The following FNBP1L variants were observed in gnomAD, a reference collection of about 807,000 sequenced individuals.
FNBP1L encodes formin-binding protein 1-like.
Under a neutral mutation model 91.2 loss-of-function variants are expected in FNBP1L, and 36 were observed. That is an observed-to-expected ratio of 0.39 (90% confidence interval 0.30 to 0.52). The LOEUF is 0.52. FNBP1L is among the 20% of genes least tolerant of loss of function. The pLI, the probability that FNBP1L is intolerant of heterozygous loss-of-function variation, is 0.66. For missense variants in FNBP1L, 571 were observed against 732.1 expected (o/e 0.78, Z 2.54); for synonymous variants, 242 against 237.0 (o/e 1.02, Z -0.19).
At chr1:93,515,496 C>A (rs1020232690) in intron 2 of FNBP1L, among the ~76,000 whole-genome samples, 19 of 152,060 alleles carry the variant, frequency 1.2e-4, no homozygotes, top group African/African-American at 4.3e-4. Flanking sequence ...TTCGCAATAG[C>A]AAAGACTTGG....
chr1:93,519,247 G>C (rs4847431), intron 2 of FNBP1L, among the ~76,000 whole-genome samples: 76,959 of 151,948 alleles, frequency 0.51, 21,615 homozygotes, highest in East Asian at 0.63. Flanking sequence ...TACTTTTCAC[G>C]TTACTACTTG....
chr1:93,510,998 C>T lies in FNBP1L; in HGVS notation c.141-11084C>T, dbSNP rs549551604. On this transcript the variant is annotated intron_variant, in intron 2 of 16. Transcript: ENST00000271234. ...GTCTGATTGGTGTACCTGAAAGTGA[C>T]GGGGAGAATGGAACCAAGTTGGAAA... is the stretch of plus-strand genomic sequence containing the variant. 2.3e-3 allele frequency among the ~76,000 whole-genome samples: 349 copies of T among 152,050 alleles called. 3 individuals carry two copies. Among genetic ancestry groups the T allele is most frequent in the African/African-American group, 7.1e-3 (296 of 41,526 alleles).
At chr1:93,529,577 C>T in intron 5 of FNBP1L, 75 bp from the exon 6 acceptor site, 1 of 876,080 alleles carries the variant, frequency 1.1e-6, no homozygotes, top group Admixed American at 3.5e-5. Flanking sequence ...TCTCCTAATG[C>T]TCTCTAAAGT....
At chr1:93,516,988 T>A (rs1671143361) in intron 2 of FNBP1L, among the ~76,000 whole-genome samples, 1 of 151,996 alleles carries the variant, frequency 6.6e-6, no homozygotes, top group Non-Finnish European at 1.5e-5. Flanking sequence ...TTAGAACAAC[T>A]TCTTCTTCAC....
intron 8 of FNBP1L, among the ~76,000 whole-genome samples, chr1:93,534,154 CT>C (rs1413439015): frequency 6.6e-6 from 1 of 152,086 alleles, no homozygotes; most frequent in Non-Finnish European, 1.5e-5. Context: ...TTTATGAGAT[CT>C]TTTCCCTGTT....
intron 1 of FNBP1L, among the ~76,000 whole-genome samples, chr1:93,498,921 C>A (rs1670355462): frequency 6.6e-6 from 1 of 152,140 alleles, no homozygotes; most frequent in Non-Finnish European, 1.5e-5. Context: ...TCGGAAATGG[C>A]AGATCCCAGA....
At chr1:93,474,101 G>T (rs757652819) in intron 1 of FNBP1L, among the ~76,000 whole-genome samples, 1 of 152,078 alleles carries the variant, frequency 6.6e-6, no homozygotes, top group African/African-American at 2.4e-5. Flanking sequence ...AAAAATTAGC[G>T]GGTGTGGTGG....
At chr1:93,474,342 A>G (rs1204084870) in intron 1 of FNBP1L, among the ~76,000 whole-genome samples, 5 of 152,232 alleles carry the variant, frequency 3.3e-5, no homozygotes, top group East Asian at 1.9e-4. Flanking sequence ...AAGGGAAACC[A>G]TTGATAATAG....
chr1:93,488,657 C>G (rs1185364960), intron 1 of FNBP1L, among the ~76,000 whole-genome samples: 1 of 152,200 alleles, frequency 6.6e-6, no homozygotes, highest in African/African-American at 2.4e-5. Context: ...TCCCCTCTTG[C>G]TCGCTCAGCT....
chr1:93,550,910 C>T (rs1165872587), intron 15 of FNBP1L, 37 bp from the exon 16 acceptor site: 3 of 1,477,984 alleles, frequency 2.0e-6, no homozygotes, highest in Non-Finnish European at 1.8e-6. Context: ...AAAATTATCA[C>T]AATGCTTAAA....
At chr1:93,550,536 T>G (rs1424681123) in intron 15 of FNBP1L, among the ~76,000 whole-genome samples, 2 of 152,220 alleles carry the variant, frequency 1.3e-5, no homozygotes, top group East Asian at 3.8e-4. Context: ...GACTCTCTTT[T>G]TTCCTTCTTT....
chr1:93,516,013 A>T (rs1671092759), intron 2 of FNBP1L, among the ~76,000 whole-genome samples: 1 of 152,186 alleles, frequency 6.6e-6, no homozygotes, highest in Non-Finnish European at 1.5e-5. Flanking sequence ...CAATTATATA[A>T]AAATCATCAG....
At chr1:93,489,470 T>G (rs1013975307) in intron 1 of FNBP1L, among the ~76,000 whole-genome samples, 3 of 152,040 alleles carry the variant, frequency 2.0e-5, no homozygotes, top group African/African-American at 7.2e-5. Context: ...TTCTTCCTAC[T>G]TCATAAGGCA....
intron 2 of FNBP1L, among the ~76,000 whole-genome samples, chr1:93,510,283 C>T (rs907648401): frequency 2.6e-5 from 4 of 152,176 alleles, no homozygotes; most frequent in African/African-American, 9.7e-5. Context: ...ACTGCCTCCT[C>T]AAGTGGGTCC....
chr1:93,534,904 C>G lies in FNBP1L; in HGVS notation c.986C>G (p.Pro329Arg). 1 of 1,562,934 alleles carries G rather than the reference C, an allele frequency of 6.4e-7. No individual in the cohort carries two copies. The highest frequency in any genetic ancestry group is 8.7e-7 in the Non-Finnish European group (1 of 1,152,848). The change falls in exon 9 of 17, where the codon CCA becomes CGA. Residue 329 changes from proline to arginine, a missense_variant. Around this residue, in one of 5 missense-constraint regions of FNBP1L, gnomAD observed 150 missense variants for 155.9 expected, o/e 0.96. Coordinates refer to ENST00000271234, the MANE Select transcript of FNBP1L (RefSeq NM_001164473.3). Reference sequence around the variant, plus strand: ...AAATTGTGGCTCTTTGGAAAGAAGCCAAAGGTAAAAGTCATAAAATTCCTA... The same window carrying G: ...AAATTGTGGCTCTTTGGAAAGAAGCGAAAGGTAAAAGTCATAAAATTCCTA... The part of the protein sequence containing the change: ...KGKLWLFGKK[P>R]KPQSPPLTPT...
At chr1:93,479,727 C>T (rs931406037) in intron 1 of FNBP1L, among the ~76,000 whole-genome samples, 1 of 152,176 alleles carries the variant, frequency 6.6e-6, no homozygotes, top group African/African-American at 2.4e-5. Flanking sequence ...AAAAATATGG[C>T]TCTATTCTGC....
chr1:93,463,042 G>A (rs1052328077), intron 1 of FNBP1L, among the ~76,000 whole-genome samples: 2 of 152,112 alleles, frequency 1.3e-5, no homozygotes, highest in Non-Finnish European at 2.9e-5. Context: ...TGTACTTTGA[G>A]TTATAATCCA....
chr1:93,551,084 A>T lies in FNBP1L; in HGVS notation c.1789A>T (p.Thr597Ser). The T allele has an allele frequency of 6.2e-7, 1 of 1,609,470 alleles. No homozygotes were observed. The highest frequency in any genetic ancestry group is 8.5e-7 in the Non-Finnish European group (1 of 1,177,816). Residue 597 changes from threonine (T) to serine (S), a missense_variant, in exon 16 of 17, where the codon ACT becomes TCT. Physicochemically the swap from Thr to Ser is moderately conservative, Grantham distance 58. Coordinates refer to ENST00000271234, the MANE Select transcript of FNBP1L (RefSeq NM_001164473.3). Reference sequence around the variant, plus strand: ...CGTTCCCACGTCATACATAGATGTAACTCTAGAGAAAAACAGTAAAGGTGC... The same window carrying T: ...CGTTCCCACGTCATACATAGATGTATCTCTAGAGAAAAACAGTAAAGGTGC... ...GYVPTSYIDVTLEKNSKGS is the reference protein window; with the variant it reads ...GYVPTSYIDVSLEKNSKGS
At chr1:93,498,720 G>T (rs1032504630) in intron 1 of FNBP1L, among the ~76,000 whole-genome samples, 2 of 152,178 alleles carry the variant, frequency 1.3e-5, no homozygotes, top group African/African-American at 4.8e-5. Flanking sequence ...GTGGCAGGAG[G>T]TGGCATCTTT....
Sources: gnomAD v4.1 joint callset for allele counts (sites outside exome capture counted in the v4.1 genomes callset) on GRCh38, gnomAD v4.1.1 for gene constraint, gnomAD v4.1.1 regional missense constraint, MANE v1.5 for transcripts, NCBI Gene and HGNC (gene_info 2026-07-23, HGNC 2026-07-21) for gene names.